CACNB4: variants seen among roughly 807,000 people sequenced by gnomAD.
CACNB4 encodes voltage-dependent L-type calcium channel subunit beta-4.
Under a neutral mutation model 71.2 loss-of-function variants are expected in CACNB4, and 32 were observed. The observed-to-expected ratio is 0.45, with a 90% CI of 0.34 to 0.60. The LOEUF (loss-of-function observed/expected upper bound fraction) is 0.60. Among genes scored for constraint, CACNB4 ranks in the 20% least tolerant of loss-of-function variants. The pLI is 0.01. For missense variants in CACNB4, 464 were observed against 647.9 expected (o/e 0.72, Z 3.08); for synonymous variants, 231 against 236.9 (o/e 0.97, Z 0.23).
intron 2 of CACNB4, chr2:151,972,912 C>G (rs930470781): frequency 1.3e-5 from 2 of 152,174 alleles, no homozygotes; most frequent in African/African-American, 4.8e-5. Context: ...CTACCACCAG[C>G]AAGAGTCAAA....
chr2:152,035,674 T>G (rs1397016561), intron 2 of CACNB4, among the ~76,000 whole-genome samples: 1 of 151,214 alleles, frequency 6.6e-6, no homozygotes, highest in East Asian at 1.9e-4. Flanking sequence ...TATATGTATG[T>G]ATGTATTAAG....
chr2:151,947,852 T>TA (rs1415006734), intron 2 of CACNB4, among the ~76,000 whole-genome samples: 1 of 152,116 alleles, frequency 6.6e-6, no homozygotes, highest in Non-Finnish European at 1.5e-5. Flanking sequence ...CCCTGGTTTA[T>TA]AAAAAACAAG....
At chr2:151,966,868 T>A (rs2151714921) in intron 2 of CACNB4, among the ~76,000 whole-genome samples, 1 of 152,172 alleles carries the variant, frequency 6.6e-6, no homozygotes, top group African/African-American at 2.4e-5. Flanking sequence ...TTTAAGGGCT[T>A]TATACACATT....
At chr2:151,905,950 A>G (rs1402976277) in intron 2 of CACNB4, among the ~76,000 whole-genome samples, 3 of 152,238 alleles carry the variant, frequency 2.0e-5, no homozygotes, top group African/African-American at 7.2e-5. Context: ...TTAAGTAAAA[A>G]GAGTGTTTAG....
chr2:151,915,583 A>T (rs2099857265), intron 2 of CACNB4, among the ~76,000 whole-genome samples: 1 of 152,170 alleles, frequency 6.6e-6, no homozygotes, highest in Non-Finnish European at 1.5e-5. Flanking sequence ...TGGCTCATGC[A>T]TATAGTCCCA....
intron 2 of CACNB4, among the ~76,000 whole-genome samples, chr2:151,944,665 G>A (rs931450346): frequency 4.6e-5 from 7 of 152,120 alleles, no homozygotes; most frequent in Non-Finnish European, 4.4e-5. Context: ...CATGGCACAC[G>A]CCTGTAATCC....
chr2:151,925,699 G>C (rs56303989), intron 2 of CACNB4, among the ~76,000 whole-genome samples: 68 of 151,210 alleles, frequency 4.5e-4, no homozygotes, highest in African/African-American at 1.6e-3. Context: ...CAGGGAGGGG[G>C]TGGGGAGGGT....
intron 2 of CACNB4, among the ~76,000 whole-genome samples, chr2:152,067,601 C>T (rs1033438630): frequency 1.3e-5 from 2 of 152,166 alleles, no homozygotes; most frequent in South Asian, 4.1e-4. Flanking sequence ...AAATAAACTA[C>T]CTGAATGCAA....
In CACNB4 at chr2:152,076,325, T is replaced by G. The variant is rs112710317; in HGVS notation, c.147+22005A>C. Among the ~76,000 whole-genome samples the G allele has an allele frequency of 6.1e-3, 921 of 149,998 alleles. 3 individuals carry two copies. The highest frequency in any genetic ancestry group is 0.021 in the African/African-American group (864 of 41,030). On this transcript the variant is annotated intron_variant, in intron 2 of 13. Transcript: ENST00000539935. ...CCTGGCTAATTTTTTGGGTTTTTTT[T>G]TTTTTTTTTGTATTTTTTTGTAGAG...
intron 2 of CACNB4, among the ~76,000 whole-genome samples, chr2:152,059,096 G>A (rs970989922): frequency 5.3e-5 from 8 of 152,366 alleles, no homozygotes; most frequent in African/African-American, 1.9e-4. Context: ...ATGCCTGGAT[G>A]TCCAGGCACT....
chr2:152,021,171 C>T (rs1452007630), intron 2 of CACNB4, among the ~76,000 whole-genome samples: 1 of 152,228 alleles, frequency 6.6e-6, no homozygotes, highest in African/African-American at 2.4e-5. Flanking sequence ...CGCTTGAACC[C>T]GGGAGGCGGA....
At chr2:151,935,354 T>C (rs189857365) in intron 2 of CACNB4, among the ~76,000 whole-genome samples, 1 of 152,360 alleles carries the variant, frequency 6.6e-6, no homozygotes, top group East Asian at 1.9e-4. Flanking sequence ...AGGCAACTCC[T>C]ATTACACTTA....
chr2:151,944,305 G>A (rs1213516740), intron 2 of CACNB4, among the ~76,000 whole-genome samples: 9 of 152,110 alleles, frequency 5.9e-5, no homozygotes, highest in East Asian at 1.9e-4. Context: ...CTCCCAAAGC[G>A]CTGGGATTAC....
intron 12 of CACNB4, chr2:151,853,142 G>T: frequency 3.8e-6 from 1 of 265,010 alleles, no homozygotes; most frequent in Non-Finnish European, 7.1e-6. Flanking sequence ...TTTCTTAAGC[G>T]TATCCATGTG....
rs765848806 is a variant in CACNB4 at position 151,883,310 on chromosome 2, G to A, written c.208C>T (p.Arg70Trp). The change falls in exon 3 of 14, where the codon CGG becomes TGG. Residue 70 changes from arginine (R) to tryptophan (W), a missense_variant. Coordinates refer to ENST00000539935, the MANE Select transcript of CACNB4 (RefSeq NM_000726.5). ...TCTCTCTCCTGTCGAATTGCTTCCC[G>A]GTCCTCTTCCAAAGAGACATCGGAG... is the stretch of plus-strand genomic sequence containing the variant. ...SDSDVSLEED[R>W]EAIRQEREQQ... The A allele has an allele frequency of 5.6e-6, 9 of 1,613,492 alleles. No individual in the cohort carries two copies. The highest frequency in any genetic ancestry group is 2.7e-5 in the African/African-American group (2 of 74,880).
Position 152,098,972 on chromosome 2 carries a change from C to A in CACNB4, c.40G>T (p.Gly14Trp), listed in dbSNP as rs573977862. The change falls in exon 1 of 14, where the codon GGG becomes TGG. Residue 14 changes from glycine (G) to tryptophan (W), a missense_variant. By Grantham distance (184) the Gly-to-Trp change is radical. Coordinates refer to ENST00000539935, the MANE Select transcript of CACNB4 (RefSeq NM_000726.5). This position sits in a 1 kb window ranked among gnomAD's most constrained non-coding sequence, Gnocchi z 5.3. ...ACCTGCGAGGTGGGGGAGTGCGGCC[C>A]GTCCGCGGTCCCGTTCTTGGCGTAG... is the stretch of plus-strand genomic sequence containing the variant. Reference protein sequence around the residue: ...SSYAKNGTADGPHSPTSQVAR... With the variant: ...SSYAKNGTADWPHSPTSQVAR... 6 of 1,528,902 alleles carry A rather than the reference C, an allele frequency of 3.9e-6. No individual in the cohort carries two copies. The South Asian group carries it at 4.9e-5, about 13-fold the overall frequency. 94.7% of individuals were successfully genotyped at this position (1,528,902 alleles called of 1,614,324 possible). A position where few individuals can be genotyped will look rare whatever the true frequency, so the allele number is the denominator to read the frequency against.
intron 2 of CACNB4, among the ~76,000 whole-genome samples, chr2:151,948,665 A>AAT (rs1168378143): frequency 6.6e-6 from 1 of 152,076 alleles, no homozygotes; most frequent in Non-Finnish European, 1.5e-5. Context: ...TGTCAAAAAA[A>AAT]AAAAGAAAAA....
intron 2 of CACNB4, among the ~76,000 whole-genome samples, chr2:151,887,222 A>C (rs1314240890): frequency 6.6e-6 from 1 of 151,840 alleles, no homozygotes; most frequent in African/African-American, 2.4e-5. Flanking sequence ...TCTATTCATA[A>C]AACAGGTAGG....
chr2:151,848,311 C>T (rs547494248), intron 12 of CACNB4, among the ~76,000 whole-genome samples: 1 of 152,246 alleles, frequency 6.6e-6, no homozygotes, highest in South Asian at 2.1e-4. Flanking sequence ...TTTCATGAAG[C>T]AAACATCTGA....
Sources: gnomAD v4.1 joint callset for allele counts (sites outside exome capture counted in the v4.1 genomes callset) on GRCh38, gnomAD v4.1.1 for gene constraint, Gnocchi (gnomAD v3.1) non-coding constraint, MANE v1.5 for transcripts, NCBI Gene and HGNC (gene_info 2026-07-23, HGNC 2026-07-21) for gene names.